ADCK5: variants seen among roughly 807,000 people sequenced by gnomAD.
ADCK5 encodes the protein uncharacterized aarF domain-containing protein kinase 5.
In ADCK5, 43 loss-of-function variants were observed where a neutral mutation model predicts 64.9. The observed-to-expected ratio is 0.66, with a 90% CI of 0.52 to 0.85. ADCK5 has a LOEUF of 0.85. Ranked by LOEUF, ADCK5 falls within the 40% of genes least tolerant of loss-of-function variation. The probability of loss-of-function intolerance (pLI) is 0.00; values close to 1 mark genes in which losing one functional copy is unlikely to be tolerated. For missense variants in ADCK5, 760 were observed against 810.5 expected (o/e 0.94, Z 0.76); for synonymous variants, 434 against 342.8 (o/e 1.27, Z -2.94).
intron 1 of ADCK5, among the ~76,000 whole-genome samples, chr8:144,377,721 T>A (rs567218323): frequency 6.6e-6 from 1 of 152,290 alleles, no homozygotes; most frequent in East Asian, 1.9e-4. Flanking sequence ...ATGTACAGGG[T>A]CCCTGTCTGT....
intron 2 of ADCK5, among the ~76,000 whole-genome samples, chr8:144,382,849 C>A (rs1179798912): frequency 6.6e-6 from 1 of 152,262 alleles, no homozygotes; most frequent in African/African-American, 2.4e-5. Flanking sequence ...TCTGGACAGA[C>A]CTGAATGAGA....
chr8:144,389,652 C>A lies in ADCK5; in HGVS notation c.267-1019C>A, dbSNP rs144640485. ...CTTCAAGTGATTCTCCTGCCTCAGC[C>A]TCCTGAGTAGCTGGCACTACAGGCA... On this transcript the variant is annotated intron_variant, in intron 3 of 14. Coordinates refer to ENST00000308860, the MANE Select transcript of ADCK5 (RefSeq NM_174922.5). 9.6e-3 allele frequency among the ~76,000 whole-genome samples: 1,453 copies of A among 152,106 alleles called. 11 individuals are homozygous for A. The highest frequency in any genetic ancestry group is 0.015 in the Non-Finnish European group (999 of 67,980).
intron 1 of ADCK5, among the ~76,000 whole-genome samples, chr8:144,375,229 TGGCCAGTGAGCAG>T (rs574787436): frequency 4.9e-4 from 74 of 152,310 alleles, no homozygotes; most frequent in African/African-American, 1.8e-3. Context: ...GAGCTGCTCA[TGGCCAGTGAGCAG>T]GGCTGGGTCC....
In ADCK5 at chr8:144,392,537, T is replaced by C; in HGVS notation, c.1360T>C (p.Tyr454His). ...CCTACTGAGCCGCGAAGAGGCGGCC[T>C]ACATGGTGGACATGGCCCGCGAGCG... is the stretch of plus-strand genomic sequence containing the variant. ...SHLLSREEAA[Y>H]MVDMARERFE... The change falls in exon 13 of 15, where the codon TAC becomes CAC. Residue 454 changes from tyrosine (Y) to histidine (H), a missense_variant. Around this residue, in one of 2 missense-constraint regions of ADCK5, gnomAD observed 333 missense variants for 292.0 expected, o/e 1.14. Coordinates refer to ENST00000308860, the MANE Select transcript of ADCK5 (RefSeq NM_174922.5). The C allele has an allele frequency of 6.4e-7, 1 of 1,560,842 alleles. No homozygotes were observed.
At position 144,390,722 on chromosome 8, in the gene ADCK5, T is replaced by A. The variant is rs549893722; in HGVS notation, c.318T>A (p.Asn106Lys). ...CCCTGGACTACTGGTGGTGCACCAA[T>A]GTTGTCCTTCGAGGGGTGGAAGAGG... is the stretch of plus-strand genomic sequence containing the variant. ...QISLDYWWCT[N>K]VVLRGVEENS... The change falls in exon 4 of 15, where the codon AAT becomes AAA. Residue 106 changes from asparagine (N) to lysine (K), a missense_variant. Asn to Lys is a moderately conservative substitution (Grantham distance 94). Around this residue, in one of 2 missense-constraint regions of ADCK5, gnomAD observed 427 missense variants for 518.4 expected, o/e 0.82. Transcript: ENST00000308860. 6.2e-7 allele frequency: 1 copy of A among 1,613,828 alleles called. No individual in the cohort carries two copies. The highest frequency in any genetic ancestry group is 8.5e-7 in the Non-Finnish European group (1 of 1,179,956).
In ADCK5 at chr8:144,393,229, T is replaced by C. The variant is rs1411192502; in HGVS notation, c.*155T>C. The C allele has an allele frequency of 8.4e-5, 117 of 1,400,100 alleles. No homozygotes were observed. The highest frequency in any genetic ancestry group is 1.0e-4 in the Non-Finnish European group (108 of 1,048,480). 86.7% of individuals were successfully genotyped at this position (1,400,100 alleles called of 1,614,324 possible). On this transcript the variant is annotated 3_prime_UTR_variant, in exon 15 of 15. Transcript: ENST00000308860. ...AGGCCGTGTAATGACCACACACTCCTCTCAAGCAAAAAATGTTTTTCCTTG... is the reference window on the plus strand; with the variant it reads ...AGGCCGTGTAATGACCACACACTCCCCTCAAGCAAAAAATGTTTTTCCTTG...
chr8:144,388,794 G>T (rs1224913911), intron 3 of ADCK5, among the ~76,000 whole-genome samples: 1 of 152,024 alleles, frequency 6.6e-6, no homozygotes, highest in Non-Finnish European at 1.5e-5. Flanking sequence ...CGAAACCCTG[G>T]CCTAACCCAA....
In ADCK5 at chr8:144,393,057, C is replaced by A. The variant is rs781836012; in HGVS notation, c.1726C>A (p.Gln576Lys). ...CGTGCCCCCAGCGGAGGAGCTCTAC[C>A]AGTACCTGGAGACCTAGGGTGCAGC... Reference protein sequence around the residue: ...SLVPPAEELYQYLET With the variant: ...SLVPPAEELYKYLET Residue 576 changes from glutamine to lysine, a missense_variant, in exon 15 of 15, where the codon CAG (glutamine) becomes AAG (lysine). Coordinates refer to ENST00000308860, the MANE Select transcript of ADCK5 (RefSeq NM_174922.5). 8.8e-6 allele frequency: 14 copies of A among 1,583,038 alleles called. No homozygotes were observed. The South Asian group carries it at 1.3e-4, about 14-fold the overall frequency.
rs1423452679 is a variant in ADCK5, at chr8:144,384,339, G to C, written c.266+1109G>C. 1.3e-5 allele frequency among the ~76,000 whole-genome samples: 2 copies of C among 152,196 alleles called. No homozygotes were observed. Among genetic ancestry groups the C allele is most frequent in the African/African-American group, 4.8e-5 (2 of 41,446 alleles). Reference sequence around the variant, plus strand: ...CTCAGCAAGTGCCTCGGCTTCTGGTGCCTTCAGAGATTTCACCAGAAGTTT... The same window carrying C: ...CTCAGCAAGTGCCTCGGCTTCTGGTCCCTTCAGAGATTTCACCAGAAGTTT... On this transcript the variant is annotated intron_variant, in intron 3 of 14. Transcript: ENST00000308860. This position sits in a 1 kb window ranked among gnomAD's most constrained non-coding sequence, Gnocchi z 5.7.
upstream of ADCK5, chr8:144,374,001 C>A (rs1460549283): frequency 1.6e-5 from 20 of 1,214,716 alleles, no homozygotes; most frequent in Non-Finnish European, 5.2e-6. Context: ...GCTCTGGCTC[C>A]GGCGCGTGCG....
chr8:144,391,873 G>A lies in ADCK5; in HGVS notation c.1014+7G>A. 1 of 1,564,092 alleles carries A rather than the reference G, an allele frequency of 6.4e-7. No homozygotes were observed. The highest frequency in any genetic ancestry group is 8.6e-7 in the Non-Finnish European group (1 of 1,158,866). ...GGGGCTGGCAGTGCATGACGTGAGT[G>A]CGGGGGGGCGGGGGCGGGTCAGGGC... is the stretch of plus-strand genomic sequence containing the variant. On this transcript the variant is annotated splice_region_variant and intron_variant, in intron 9 of 14. Coordinates refer to ENST00000308860, the MANE Select transcript of ADCK5 (RefSeq NM_174922.5).
At chr8:144,381,405 G>T (rs1198196536) in intron 2 of ADCK5, among the ~76,000 whole-genome samples, 1 of 135,532 alleles carries the variant, frequency 7.4e-6, no homozygotes, top group Non-Finnish European at 1.6e-5. Context: ...GGCACCTGCT[G>T]CACTCAGGAT....
rs1554861571 is a variant in ADCK5, at chr8:144,392,805, G to T, written c.1550G>T (p.Gly517Val). 2 of 1,592,400 alleles carry T rather than the reference G, an allele frequency of 1.3e-6. No individual in the cohort carries two copies. The highest frequency in any genetic ancestry group is 8.5e-7 in the Non-Finnish European group (1 of 1,174,000). The change falls in exon 14 of 15, where the codon GGC becomes GTC. Residue 517 changes from glycine (G) to valine (V), a missense_variant. This residue lies in a region of ADCK5 where 333 missense variants were observed against 292.0 expected (regional missense o/e 1.14). Coordinates refer to ENST00000308860, the MANE Select transcript of ADCK5 (RefSeq NM_174922.5). Reference protein sequence around the residue: ...RAVRGWSRLAGATYRGVYGTS... With the variant: ...RAVRGWSRLAVATYRGVYGTS... ...GTCCGGGGCTGGAGCCGCCTGGCGG[G>T]CGCCACGTATCGGGGTGTCTACGGC...
In ADCK5 at chr8:144,374,091, C is replaced by T. The variant is rs201116950; in HGVS notation, c.-5C>T. On this transcript the variant is annotated 5_prime_UTR_variant, in exon 1 of 15. Transcript: ENST00000308860. The stretch of plus-strand genomic sequence containing the variant: ...GGCGGGAGAAGAGCGGAGCAGTGGT[C>T]GGAGATGTGGCGACCGGTGAGGACT... 865 of 1,248,284 alleles carry T rather than the reference C, an allele frequency of 6.9e-4. 5 individuals carry two copies. The African/African-American group carries it at 0.01, about 15-fold the overall frequency. The allele number at this position is 1,248,284 out of a possible 1,614,324, so 77.3% of individuals were successfully genotyped here.
At chr8:144,388,350 C>T (rs1820019899) in intron 3 of ADCK5, among the ~76,000 whole-genome samples, 2 of 148,112 alleles carry the variant, frequency 1.4e-5, no homozygotes, top group Non-Finnish European at 3.0e-5. Flanking sequence ...GAGCGAGATT[C>T]CATCTCAAAA....
rs1433561575 is a variant in ADCK5 at position 144,382,083 on chromosome 8, C to G, written c.117-998C>G. The stretch of plus-strand genomic sequence containing the variant: ...CAGGATTATGGGCCGGGTGTAGAAA[C>G]AGATGTGTGCTCAGGCACCTGCTGC... On this transcript the variant is annotated intron_variant, in intron 2 of 14. Transcript: ENST00000308860. 6.9e-4 allele frequency among the ~76,000 whole-genome samples: 96 copies of G among 139,456 alleles called. No individual in the cohort carries two copies. In the East Asian group the frequency reaches 0.018, roughly 27 times the overall value. The allele number at this position is 139,456 out of a possible 152,430, so 91.5% of individuals were successfully genotyped here.
chr8:144,383,361 AT>A, intron 3 of ADCK5, 131 bp downstream of exon 3: 1 of 1,317,984 alleles, frequency 7.6e-7, no homozygotes, highest in Non-Finnish European at 1.0e-6. Context: ...CTTGCTGAGG[AT>A]TTTACAGCTG....
chr8:144,377,649 T>G (rs1819420374), intron 1 of ADCK5, among the ~76,000 whole-genome samples: 1 of 152,196 alleles, frequency 6.6e-6, no homozygotes, highest in South Asian at 2.1e-4. Context: ...CGCCTGACCC[T>G]TGGGACTTCT....
intron 1 of ADCK5, chr8:144,375,706 A>G: frequency 1.0e-6 from 1 of 965,332 alleles, no homozygotes. Flanking sequence ...TCACTCTGGA[A>G]CGGGAGGTGT....
Sources: allele counts gnomAD v4.1 joint callset (sites outside exome capture counted in the v4.1 genomes callset), GRCh38; gene constraint gnomAD v4.1.1; regional missense constraint gnomAD v4.1.1; non-coding constraint Gnocchi (gnomAD v3.1); transcripts MANE v1.5; gene names NCBI Gene and HGNC (gene_info 2026-07-23, HGNC 2026-07-21).